The following SGCZ variants were observed in gnomAD, a reference collection of about 807,000 sequenced individuals.
The protein encoded by SGCZ is sarcoglycan zeta.
In SGCZ, 40 loss-of-function variants were observed where a neutral mutation model predicts 41.3. The ratio of observed to expected loss-of-function variants is 0.97; its 90% CI spans 0.75 to 1.26. The LOEUF (loss-of-function observed/expected upper bound fraction) is 1.26. SGCZ is among the 50% of genes most tolerant of loss of function. The probability of loss-of-function intolerance (pLI) is 0.00; values close to 1 mark genes in which losing one functional copy is unlikely to be tolerated. For synonymous variants in SGCZ, 206 were observed against 137.5 expected, an observed-to-expected ratio of 1.50 and a Z score of -3.49; for missense variants, 552 against 369.8, an observed-to-expected ratio of 1.49 and a Z score of -4.04.
chr8:14,710,074 A>C (rs1043857245), intron 1 of SGCZ, among the ~76,000 whole-genome samples: 1 of 152,172 alleles, frequency 6.6e-6, no homozygotes, highest in Non-Finnish European at 1.5e-5. Flanking sequence ...TTTCTTAAGA[A>C]TAAATTAATG....
At chr8:14,177,582 T>C (rs921818779) in intron 4 of SGCZ, among the ~76,000 whole-genome samples, 1 of 152,026 alleles carries the variant, frequency 6.6e-6, no homozygotes, top group Non-Finnish European at 1.5e-5. Flanking sequence ...CCATCTGGGC[T>C]CACTGCAAGC....
At chr8:14,882,276 A>G (rs557227895) in intron 1 of SGCZ, among the ~76,000 whole-genome samples, 2 of 152,278 alleles carry the variant, frequency 1.3e-5, no homozygotes, top group South Asian at 4.1e-4. Flanking sequence ...CCTTGAGGGA[A>G]CCTTTGGGAA....
chr8:14,210,216 G>A (rs752382861), intron 4 of SGCZ, among the ~76,000 whole-genome samples: 35 of 151,988 alleles, frequency 2.3e-4, no homozygotes, highest in African/African-American at 5.3e-4. Context: ...CACTACTACC[G>A]TCTAGCTAAT....
chr8:14,581,879 T>C (rs912674815), intron 1 of SGCZ, among the ~76,000 whole-genome samples: 5 of 151,836 alleles, frequency 3.3e-5, no homozygotes, highest in Admixed American at 3.3e-4. Flanking sequence ...ACAACAGGGG[T>C]TTCAATTTCA....
At chr8:15,102,063 T>C (rs1806637079) in intron 1 of SGCZ, among the ~76,000 whole-genome samples, 1 of 152,152 alleles carries the variant, frequency 6.6e-6, no homozygotes, top group African/African-American at 2.4e-5. Flanking sequence ...CCTATATATA[T>C]GCCAAAATTA....
At chr8:14,543,636 A>G (rs1237837768) in intron 2 of SGCZ, among the ~76,000 whole-genome samples, 1 of 152,188 alleles carries the variant, frequency 6.6e-6, no homozygotes, top group Non-Finnish European at 1.5e-5. Flanking sequence ...TATTTACTGT[A>G]AAAACTGAGG....
intron 4 of SGCZ, among the ~76,000 whole-genome samples, chr8:14,205,490 G>A (rs1805588546): frequency 1.3e-5 from 2 of 152,280 alleles, no homozygotes; most frequent in South Asian, 2.1e-4. Flanking sequence ...CAAAACCACA[G>A]TCTAAACATT....
intron 1 of SGCZ, among the ~76,000 whole-genome samples, chr8:14,996,031 G>A (rs545035022): frequency 7.9e-5 from 12 of 152,078 alleles, no homozygotes; most frequent in Non-Finnish European, 2.9e-5. Context: ...AGCCTCCCGA[G>A]TAGCTGAGAC....
chr8:14,417,070 G>A (rs923998592), intron 2 of SGCZ, among the ~76,000 whole-genome samples: 3 of 151,740 alleles, frequency 2.0e-5, no homozygotes, highest in African/African-American at 4.8e-5. Context: ...ATAAGGCCGG[G>A]CAAGACATAT....
At chr8:14,979,779 A>T (rs908124517) in intron 1 of SGCZ, among the ~76,000 whole-genome samples, 1 of 152,226 alleles carries the variant, frequency 6.6e-6, no homozygotes, top group African/African-American at 2.4e-5. Context: ...ATAGACAGTG[A>T]TAGCTTTGGG....
intron 1 of SGCZ, among the ~76,000 whole-genome samples, chr8:14,983,973 CTT>C (rs1159759077): frequency 6.6e-6 from 1 of 152,130 alleles, no homozygotes; most frequent in Non-Finnish European, 1.5e-5. Context: ...TTAATTTAGA[CTT>C]ATACCCAATC....
intron 6 of SGCZ, among the ~76,000 whole-genome samples, chr8:14,107,165 G>A (rs141860156): frequency 5.3e-5 from 8 of 151,704 alleles, no homozygotes; most frequent in African/African-American, 1.9e-4. Flanking sequence ...GAGGTGAGTC[G>A]AGATAGCACC....
intron 1 of SGCZ, among the ~76,000 whole-genome samples, chr8:15,234,563 AG>A (rs76762464): frequency 0.044 from 6,648 of 152,312 alleles, 244 homozygotes; most frequent in East Asian, 0.16. Flanking sequence ...TTCATTAGCA[AG>A]TTTTACACAC....
intron 2 of SGCZ, among the ~76,000 whole-genome samples, chr8:14,390,924 TAA>T (rs957218610): frequency 1.4e-4 from 21 of 152,188 alleles, no homozygotes; most frequent in Admixed American, 3.9e-4. Context: ...ATCAGAGAAA[TAA>T]AGTTTACACG....
intron 1 of SGCZ, among the ~76,000 whole-genome samples, chr8:15,097,781 C>CGT (rs1217003499): frequency 2.2e-5 from 2 of 91,792 alleles, no homozygotes; most frequent in South Asian, 3.3e-4. Context: ...TATATATATA[C>CGT]GTGTATATAT....
At chr8:14,641,527 C>T (rs1389238911) in intron 1 of SGCZ, among the ~76,000 whole-genome samples, 2 of 151,534 alleles carry the variant, frequency 1.3e-5, no homozygotes, top group Admixed American at 6.6e-5. Context: ...TTTAGAGTTT[C>T]CAAGCCAGGA....
intron 1 of SGCZ, among the ~76,000 whole-genome samples, chr8:14,822,863 G>C (rs750762483): frequency 8.5e-5 from 13 of 152,086 alleles, no homozygotes; most frequent in African/African-American, 1.9e-4. Context: ...TGACCAGCGT[G>C]TGCAACATTG....
intron 2 of SGCZ, among the ~76,000 whole-genome samples, chr8:14,379,523 A>G (rs974571956): frequency 6.6e-6 from 1 of 152,166 alleles, no homozygotes; most frequent in African/African-American, 2.4e-5. Flanking sequence ...AAACAACTCA[A>G]TATCATGAAG....
intron 1 of SGCZ, among the ~76,000 whole-genome samples, chr8:14,556,974 G>T (rs1383476211): frequency 6.6e-6 from 1 of 151,964 alleles, no homozygotes; most frequent in Non-Finnish European, 1.5e-5. Flanking sequence ...AGATCAAATG[G>T]TAGTTCTACA....
Sources: gnomAD v4.1 joint callset for allele counts (sites outside exome capture counted in the v4.1 genomes callset) on GRCh38, gnomAD v4.1.1 for gene constraint, MANE v1.5 for transcripts, NCBI Gene and HGNC (gene_info 2026-07-23, HGNC 2026-07-21) for gene names.